The following CNNM2 variants were observed in gnomAD, a reference collection of about 807,000 sequenced individuals.
CNNM2 encodes cyclin and CBS domain divalent metal cation transport mediator 2.
A neutral mutation model predicts 66.9 loss-of-function variants in CNNM2; 12 were observed. The observed-to-expected ratio is 0.18, with a 90% confidence interval of 0.11 to 0.29. The LOEUF (loss-of-function observed/expected upper bound fraction) is 0.29. Among genes scored for constraint, CNNM2 ranks in the 10% least tolerant of loss-of-function variants. CNNM2 has a pLI of 1.00. For synonymous variants in CNNM2, 557 were observed against 501.8 expected, an observed-to-expected ratio of 1.11 and a Z score of -1.47; for missense variants, 705 against 1,167.7, an observed-to-expected ratio of 0.60 and a Z score of 5.77.
intron 1 of CNNM2, among the ~76,000 whole-genome samples, chr10:102,999,355 T>C (rs1193944367): frequency 2.6e-5 from 4 of 151,892 alleles, no homozygotes; most frequent in Non-Finnish European, 5.9e-5. Flanking sequence ...GTGCTGTGAT[T>C]ACAGGCGTGA....
rs2063566852 is a variant in CNNM2, at chr10:102,972,824, GGA to G, written c.1621+52728_1621+52729del. ...TGTGACACACTTGGAGAATTAGTAA[GGA>G]GAGAATTCATGCAACTGATAAGGAG... On this transcript the variant is annotated intron_variant, in intron 1 of 7. Coordinates refer to ENST00000369878, the MANE Select transcript of CNNM2 (RefSeq NM_017649.5). Among the ~76,000 whole-genome samples, 3 of 152,150 alleles carry G rather than the reference GGA, an allele frequency of 2.0e-5. No individual in the cohort carries two copies. The South Asian group carries it at 6.2e-4, about 32-fold the overall frequency.
chr10:102,957,791 G>T (rs1019682990), intron 1 of CNNM2, among the ~76,000 whole-genome samples: 1 of 152,174 alleles, frequency 6.6e-6, no homozygotes, highest in Admixed American at 6.5e-5. Context: ...TTTGAGCTAT[G>T]TTAGGCTGGT....
chr10:102,962,959 T>A (rs189869330), intron 1 of CNNM2, among the ~76,000 whole-genome samples: 54 of 152,270 alleles, frequency 3.5e-4, no homozygotes, highest in Non-Finnish European at 6.3e-4. Flanking sequence ...TCACAACATA[T>A]TGTACTTAAT....
Position 103,054,452 on chromosome 10 carries a change from G to A in CNNM2, c.1889G>A (p.Arg630His). The A allele has an allele frequency of 1.2e-6, 2 of 1,613,648 alleles. No individual in the cohort carries two copies. The highest frequency in any genetic ancestry group is 1.7e-6 in the Non-Finnish European group (2 of 1,179,782). Residue 630 changes from arginine to histidine, a missense_variant, in exon 3 of 8, where the codon CGT (arginine) becomes CAT (histidine). Arg to His is a conservative substitution (Grantham distance 29). Coordinates refer to ENST00000369878, the MANE Select transcript of CNNM2 (RefSeq NM_017649.5). This position sits in a 1 kb window ranked among gnomAD's most constrained non-coding sequence, Gnocchi z 5.2. ...CCACAGCTCCTCCTGGCCATGCACC[G>A]TTTCCTAGCAACAGGCAAGTGCAGC... ...ISPQLLLAMHRFLATEVEAFS... is the reference protein window; with the variant it reads ...ISPQLLLAMHHFLATEVEAFS...
At chr10:102,995,855 TC>T (rs931046922) in intron 1 of CNNM2, among the ~76,000 whole-genome samples, 1 of 151,754 alleles carries the variant, frequency 6.6e-6, no homozygotes, top group South Asian at 2.1e-4. Flanking sequence ...CATGCACCAC[TC>T]CCCCCAGCTA....
intron 1 of CNNM2, among the ~76,000 whole-genome samples, chr10:102,978,208 CTTTT>C (rs79672869): frequency 7.2e-6 from 1 of 138,172 alleles, no homozygotes; most frequent in Admixed American, 7.3e-5. Context: ...CATGCCTGGA[CTTTT>C]TTTTTTTTTT....
chr10:103,009,058 C>G (rs1413647158), intron 1 of CNNM2, among the ~76,000 whole-genome samples: 2 of 152,178 alleles, frequency 1.3e-5, no homozygotes, highest in Non-Finnish European at 2.9e-5. Flanking sequence ...AGGCGGATGA[C>G]CTGAGGTCAG....
chr10:102,939,717 G>A (rs967587942), intron 1 of CNNM2, among the ~76,000 whole-genome samples: 3 of 152,020 alleles, frequency 2.0e-5, no homozygotes, highest in South Asian at 2.1e-4. Flanking sequence ...AGTGGCTCAC[G>A]CCTGTAATCC....
chr10:102,922,464 A>G (rs892201594), intron 1 of CNNM2, among the ~76,000 whole-genome samples: 4 of 152,152 alleles, frequency 2.6e-5, no homozygotes, highest in East Asian at 1.9e-4. Flanking sequence ...AGTGTTAACA[A>G]TCAACCTTTT....
chr10:102,946,440 A>G (rs539458443), intron 1 of CNNM2, among the ~76,000 whole-genome samples: 5 of 152,294 alleles, frequency 3.3e-5, no homozygotes, highest in African/African-American at 1.2e-4. Flanking sequence ...TTTTAGGGAT[A>G]CCTAAAAGCA....
At chr10:103,012,197 A>G (rs1355610626) in intron 1 of CNNM2, among the ~76,000 whole-genome samples, 1 of 152,208 alleles carries the variant, frequency 6.6e-6, no homozygotes, top group African/African-American at 2.4e-5. Flanking sequence ...AATTCCTAGA[A>G]GTAGAATTGC....
intron 1 of CNNM2, among the ~76,000 whole-genome samples, chr10:103,003,985 A>ATTTTTTTTT (rs869152743): frequency 1.2e-5 from 1 of 83,998 alleles, no homozygotes. Context: ...CATTGCATGA[A>ATTTTTTTTT]TTTTTTTTTT....
intron 1 of CNNM2, among the ~76,000 whole-genome samples, chr10:102,922,937 C>CAAA (rs60845072): frequency 2.2e-5 from 2 of 89,622 alleles, no homozygotes; most frequent in African/African-American, 4.3e-5. Context: ...GACCCTGTCT[C>CAAA]AAAAAAAAAA....
intron 1 of CNNM2, among the ~76,000 whole-genome samples, chr10:103,008,718 G>T (rs989743656): frequency 1.4e-5 from 2 of 147,184 alleles, no homozygotes; most frequent in Non-Finnish European, 3.0e-5. Context: ...GGCGGAGGCT[G>T]CTGTGAGCCG....
chr10:103,054,296 CTTT>C lies in CNNM2; in HGVS notation c.1766-26_1766-24del, dbSNP rs541278578. The C allele has an allele frequency of 1.3e-6, 2 of 1,584,698 alleles. No individual in the cohort carries two copies. The highest frequency in any genetic ancestry group is 2.7e-5 in the African/African-American group (2 of 73,780). ...AGCCCTCATCTCATGGGATGCATTTCTTTTTTTTTCTCTCTTTTAATTCCTCCC... is the reference window on the plus strand; with the variant it reads ...AGCCCTCATCTCATGGGATGCATTTCTTTTTTCTCTCTTTTAATTCCTCCC... On this transcript the variant is annotated intron_variant, in intron 2 of 7. Transcript: ENST00000369878. This position sits in a 1 kb window ranked among gnomAD's most constrained non-coding sequence, Gnocchi z 5.2.
intron 1 of CNNM2, among the ~76,000 whole-genome samples, chr10:103,033,769 G>A (rs1474473630): frequency 6.6e-6 from 1 of 152,188 alleles, no homozygotes; most frequent in Non-Finnish European, 1.5e-5. Flanking sequence ...ACAGGCGTGA[G>A]CCACCGTGCC....
intron 4 of CNNM2, among the ~76,000 whole-genome samples, chr10:103,060,326 T>C (rs1250595281): frequency 6.6e-6 from 1 of 152,032 alleles, no homozygotes; most frequent in Non-Finnish European, 1.5e-5. Flanking sequence ...CTTTGGGAGG[T>C]TGAGGCGGGC....
intron 5 of CNNM2, among the ~76,000 whole-genome samples, chr10:103,070,784 G>T (rs1299853609): frequency 6.6e-6 from 1 of 152,094 alleles, no homozygotes; most frequent in Non-Finnish European, 1.5e-5. Context: ...ACAAAAATTA[G>T]CCAGGCATGG....
In CNNM2 at chr10:103,049,862, T is replaced by C. The variant is rs770130635; in HGVS notation, c.1765+12T>C. ...AACAGATTTATACAGTAAGTAGCATTGTCTGAGTGTATTTCCCGAAACCTT... is the reference window on the plus strand; with the variant it reads ...AACAGATTTATACAGTAAGTAGCATCGTCTGAGTGTATTTCCCGAAACCTT... On this transcript the variant is annotated intron_variant, in intron 2 of 7. Coordinates refer to ENST00000369878, the MANE Select transcript of CNNM2 (RefSeq NM_017649.5). 6.2e-7 allele frequency: 1 copy of C among 1,609,420 alleles called. No individual in the cohort carries two copies. Among genetic ancestry groups the C allele is most frequent in the Admixed American group, 1.7e-5 (1 of 59,720 alleles).
Sources: gnomAD v4.1 joint callset for allele counts (sites outside exome capture counted in the v4.1 genomes callset) on GRCh38, gnomAD v4.1.1 for gene constraint, Gnocchi (gnomAD v3.1) non-coding constraint, MANE v1.5 for transcripts, NCBI Gene and HGNC (gene_info 2026-07-23, HGNC 2026-07-21) for gene names.